VANGL1: variants seen among roughly 807,000 people sequenced by gnomAD.
The protein encoded by VANGL1 is VANGL planar cell polarity protein 1.
In VANGL1, 18 loss-of-function variants were observed where a neutral mutation model predicts 48.4. The observed-to-expected ratio is 0.37, with a 90% CI of 0.26 to 0.55. The LOEUF (loss-of-function observed/expected upper bound fraction) is 0.55. Ranked by LOEUF, VANGL1 falls within the 20% of genes least tolerant of loss-of-function variation. VANGL1 has a pLI of 0.81. For synonymous variants in VANGL1, 257 were observed against 261.8 expected (o/e 0.98, Z 0.18); for missense variants, 667 against 675.8 (o/e 0.99, Z 0.14).
intron 1 of VANGL1, 65 bp from the exon 2 acceptor site, chr1:115,651,212 A>G (rs1005872532): frequency 5.1e-6 from 3 of 583,666 alleles, no homozygotes; most frequent in South Asian, 2.0e-5. Flanking sequence ...TTTGTCATTT[A>G]TCTTTCAGCC....
chr1:115,646,027 TCATAA>T (rs926190265), intron 1 of VANGL1, among the ~76,000 whole-genome samples: 1 of 101,270 alleles, frequency 9.9e-6, no homozygotes, highest in Non-Finnish European at 2.0e-5. Flanking sequence ...ACTGTCATTA[TCATAA>T]CATATTATTT....
chr1:115,662,943 C>T (rs537036997), intron 3 of VANGL1, among the ~76,000 whole-genome samples: 16 of 152,210 alleles, frequency 1.1e-4, no homozygotes, highest in South Asian at 8.3e-4. Flanking sequence ...TGTGCCACCA[C>T]GCCTTGCTAA....
chr1:115,656,828 C>G (rs1284976773), intron 2 of VANGL1, among the ~76,000 whole-genome samples: 1 of 152,174 alleles, frequency 6.6e-6, no homozygotes, highest in Non-Finnish European at 1.5e-5. Context: ...GGAATTGGCA[C>G]TCAGTGAAAG....
At chr1:115,660,127 C>CA (rs2101328706) in intron 3 of VANGL1, among the ~76,000 whole-genome samples, 1 of 152,326 alleles carries the variant, frequency 6.6e-6, no homozygotes, top group African/African-American at 2.4e-5. Flanking sequence ...GTTTAAAAAA[C>CA]ATGGGGCAGC....
intron 4 of VANGL1, among the ~76,000 whole-genome samples, chr1:115,666,934 C>A (rs1477884598): frequency 6.6e-6 from 1 of 152,218 alleles, no homozygotes; most frequent in Non-Finnish European, 1.5e-5. Context: ...GATCCTTGGG[C>A]TAAATCTGGT....
rs758570825 is a variant in VANGL1 at position 115,691,374 on chromosome 1, G to C, written c.1570G>C (p.Val524Leu). ...CCTTCGCTTACAGTCTGAGACATCC[G>C]TTTAAAAGTTCTATATTTGTGGCTT... ...FVLRLQSETS[V>L] The change falls in exon 8 of 8, where the codon GTT becomes CTT. Residue 524 changes from valine (V) to leucine (L), a missense_variant. Val to Leu is a conservative substitution (Grantham distance 32). Transcript: ENST00000355485. 1 of 1,613,086 alleles carries C rather than the reference G, an allele frequency of 6.2e-7. No individual in the cohort carries two copies. The highest frequency in any genetic ancestry group is 1.1e-5 in the South Asian group (1 of 90,896).
chr1:115,664,013 G>A lies in VANGL1; in HGVS notation c.557G>A (p.Arg186His), dbSNP rs752742934. The A allele has an allele frequency of 1.8e-5, 29 of 1,614,032 alleles. No individual in the cohort carries two copies. The highest frequency in any genetic ancestry group is 3.3e-4 in the Middle Eastern group (2 of 6,084). Residue 186 changes from arginine to histidine, a missense_variant, in exon 4 of 8, where the codon CGT (arginine) becomes CAT (histidine). Coordinates refer to ENST00000355485, the MANE Select transcript of VANGL1 (RefSeq NM_138959.3). ...GACATGCCACGGGTGTTTGTGTTTC[G>A]TGCCCTTTTGTTGGTCCTCATCTTT... Reference protein sequence around the residue: ...RADMPRVFVFRALLLVLIFLF... With the variant: ...RADMPRVFVFHALLLVLIFLF...
In VANGL1 at chr1:115,664,199, C is replaced by A; in HGVS notation, c.743C>A (p.Pro248His). 1 of 1,614,096 alleles carries A rather than the reference C, an allele frequency of 6.2e-7. No individual in the cohort carries two copies. Among genetic ancestry groups the A allele is most frequent in the Non-Finnish European group, 8.5e-7 (1 of 1,179,988 alleles). ...CTGCTGGAGCTCAGGCAGCTGCAGC[C>A]CATGTTCACGCTGCAGGTGGTCCGC... is the stretch of plus-strand genomic sequence containing the variant. Reference protein sequence around the residue: ...IVLLELRQLQPMFTLQVVRST... With the variant: ...IVLLELRQLQHMFTLQVVRST... The change falls in exon 4 of 8, where the codon CCC becomes CAC. Residue 248 changes from proline to histidine, a missense_variant. Pro to His is a moderately conservative substitution (Grantham distance 77, BLOSUM62 -2). Coordinates refer to ENST00000355485, the MANE Select transcript of VANGL1 (RefSeq NM_138959.3).
intron 4 of VANGL1, among the ~76,000 whole-genome samples, chr1:115,665,182 T>G (rs1293045125): frequency 6.6e-6 from 1 of 152,186 alleles, no homozygotes; most frequent in East Asian, 1.9e-4. Flanking sequence ...CCACAGACTA[T>G]GAACTCCCTG....
intron 4 of VANGL1, among the ~76,000 whole-genome samples, chr1:115,665,808 C>T (rs1652758346): frequency 6.6e-6 from 1 of 152,178 alleles, no homozygotes; most frequent in Admixed American, 6.5e-5. Flanking sequence ...TGTTTTGCAT[C>T]AGGGAATGAC....
rs981275389 is a variant in VANGL1, at chr1:115,691,177, G to T, written c.1373G>T (p.Trp458Leu). ...ACCCTGCAATATGACAAGGACCGCT[G>T]GCTCTCTACACAGTGGAGGCTTGTC... ...GPTLQYDKDR[W>L]LSTQWRLVSD... The change falls in exon 8 of 8, where the codon TGG becomes TTG. Residue 458 changes from tryptophan to leucine, a missense_variant. By Grantham distance (61) the Trp-to-Leu change is moderately conservative. Coordinates refer to ENST00000355485, the MANE Select transcript of VANGL1 (RefSeq NM_138959.3). The T allele has an allele frequency of 1.9e-6, 3 of 1,613,898 alleles. No individual in the cohort carries two copies. In the African/African-American group the frequency reaches 4.0e-5, roughly 22 times the overall value.
chr1:115,689,517 A>AT lies in VANGL1; in HGVS notation c.1315-1601dup, dbSNP rs1311870045. 1.5e-5 allele frequency among the ~76,000 whole-genome samples: 2 copies of AT among 136,816 alleles called. 1 individual carries two copies. Among genetic ancestry groups the AT allele is most frequent in the Non-Finnish European group, 3.2e-5 (2 of 62,788 alleles). 89.8% of individuals were successfully genotyped at this position (136,816 alleles called of 152,430 possible). ...CCAGGCGTGGTGGCGCATGCCTGTA[A>AT]TCCCAGCTACTCAGGAGACTGAGGC... On this transcript the variant is annotated intron_variant, in intron 7 of 7. Transcript: ENST00000355485.
At chr1:115,668,961 A>T (rs1019485189) in intron 4 of VANGL1, among the ~76,000 whole-genome samples, 10 of 152,216 alleles carry the variant, frequency 6.6e-5, no homozygotes, top group African/African-American at 1.7e-4. Flanking sequence ...AGAGGACGAC[A>T]CAAGACAGAG....
intron 3 of VANGL1, among the ~76,000 whole-genome samples, chr1:115,662,431 C>T (rs548160628): frequency 2.0e-5 from 3 of 152,298 alleles, no homozygotes; most frequent in South Asian, 2.1e-4. Flanking sequence ...GTCTTTTCAG[C>T]GCCTTGCTCT....
intron 6 of VANGL1, among the ~76,000 whole-genome samples, chr1:115,684,878 T>C (rs1653534793): frequency 6.6e-6 from 1 of 152,178 alleles, no homozygotes; most frequent in African/African-American, 2.4e-5. Context: ...GCAGCTCTGC[T>C]TCTTTGTAGG....
chr1:115,678,663 C>T (rs1055120878), intron 4 of VANGL1, among the ~76,000 whole-genome samples: 5 of 152,082 alleles, frequency 3.3e-5, no homozygotes, highest in African/African-American at 4.8e-5. Flanking sequence ...CTCTTCAAAA[C>T]GATGAAGAAA....
chr1:115,648,792 T>C (rs1459910046), intron 1 of VANGL1, among the ~76,000 whole-genome samples: 3 of 152,232 alleles, frequency 2.0e-5, no homozygotes, highest in African/African-American at 4.8e-5. Context: ...CTGGGCCACC[T>C]GCCTCTGAGA....
rs114793902 is a variant in VANGL1, at chr1:115,642,945, G to A, written c.-138+859G>A. ...CAGCAGTGGGGCGGAGCCGCGGCCTGGCTGCTGTGTGATGAGCAGATGAGA... is the reference window on the plus strand; with the variant it reads ...CAGCAGTGGGGCGGAGCCGCGGCCTAGCTGCTGTGTGATGAGCAGATGAGA... On this transcript the variant is annotated intron_variant, in intron 1 of 7. Transcript: ENST00000355485. 4.2e-3 allele frequency among the ~76,000 whole-genome samples: 644 copies of A among 152,360 alleles called. 4 individuals are homozygous for A. The highest frequency in any genetic ancestry group is 0.015 in the African/African-American group (620 of 41,580).
intron 4 of VANGL1, 25 bp from the exon 5 acceptor site, chr1:115,682,339 A>T (rs141991287): frequency 1.9e-6 from 3 of 1,613,594 alleles, no homozygotes; most frequent in Non-Finnish European, 2.5e-6. Flanking sequence ...AAAGCTTTGC[A>T]TTAATTTTGT....
Sources: gnomAD v4.1 joint callset for allele counts (sites outside exome capture counted in the v4.1 genomes callset) on GRCh38, gnomAD v4.1.1 for gene constraint, MANE v1.5 for transcripts, NCBI Gene and HGNC (gene_info 2026-07-23, HGNC 2026-07-21) for gene names.